The following CACNB2 variants were observed in gnomAD, a reference collection of about 807,000 sequenced individuals.
The protein encoded by CACNB2 is calcium voltage-gated channel auxiliary subunit beta 2, also known as voltage-dependent L-type calcium channel subunit beta-2.
Under a neutral mutation model 73.3 loss-of-function variants are expected in CACNB2, and 42 were observed. The observed-to-expected ratio is 0.57, with a 90% CI of 0.45 to 0.74. The LOEUF (loss-of-function observed/expected upper bound fraction) is 0.74. Ranked by LOEUF, CACNB2 falls within the 30% of genes least tolerant of loss-of-function variation. The probability of loss-of-function intolerance (pLI) is 0.00; values close to 1 mark genes in which losing one functional copy is unlikely to be tolerated. For synonymous variants in CACNB2, 348 were observed against 310.3 expected (o/e 1.12, Z -1.28); for missense variants, 940 against 853.0 (o/e 1.10, Z -1.27).
intron 3 of CACNB2, among the ~76,000 whole-genome samples, chr10:18,425,895 G>C (rs2132766723): frequency 6.6e-6 from 1 of 152,028 alleles, no homozygotes; most frequent in African/African-American, 2.4e-5. Flanking sequence ...ATCTCCCCTT[G>C]GTCTGAAATG....
chr10:18,369,331 AT>A (rs1164012983), intron 2 of CACNB2, among the ~76,000 whole-genome samples: 2 of 152,238 alleles, frequency 1.3e-5, no homozygotes, highest in East Asian at 1.9e-4. Flanking sequence ...ATTTGTCATT[AT>A]TTTTGAATAT....
At chr10:18,315,529 C>CCAT (rs869158666) in intron 2 of CACNB2, among the ~76,000 whole-genome samples, 1 of 65,580 alleles carries the variant, frequency 1.5e-5, no homozygotes, top group South Asian at 6.1e-4. Context: ...AAAAAAAAAA[C>CCAT]TTTTTTTTTT....
intron 2 of CACNB2, among the ~76,000 whole-genome samples, chr10:18,341,636 AAAAAT>A (rs1441212012): frequency 6.6e-6 from 1 of 152,218 alleles, no homozygotes; most frequent in Non-Finnish European, 1.5e-5. Flanking sequence ...CAGAGCCCGT[AAAAAT>A]AAAAGTCATA....
chr10:18,263,362 G>A (rs1269196466), intron 2 of CACNB2, among the ~76,000 whole-genome samples: 3 of 152,176 alleles, frequency 2.0e-5, no homozygotes, highest in Non-Finnish European at 2.9e-5. Context: ...TTAGGACCTC[G>A]TCATACTGGT....
At chr10:18,327,067 C>G in intron 2 of CACNB2, among the ~76,000 whole-genome samples, 1 of 151,946 alleles carries the variant, frequency 6.6e-6, no homozygotes, top group South Asian at 2.1e-4. Flanking sequence ...CATAGGCCAC[C>G]CTTCCTTGAA....
intron 3 of CACNB2, among the ~76,000 whole-genome samples, chr10:18,407,172 G>C (rs1404652283): frequency 8.0e-6 from 1 of 125,206 alleles, no homozygotes; most frequent in African/African-American, 3.1e-5. Flanking sequence ...GCCCAGGCTG[G>C]AGTGCAGTGG....
intron 3 of CACNB2, among the ~76,000 whole-genome samples, chr10:18,430,260 A>C (rs537049265): frequency 8.5e-5 from 13 of 152,272 alleles, no homozygotes; most frequent in African/African-American, 2.6e-4. Flanking sequence ...CTAAACACAC[A>C]AACCTGTCTT....
chr10:18,430,507 A>G (rs1013195166), intron 3 of CACNB2, among the ~76,000 whole-genome samples: 1 of 151,898 alleles, frequency 6.6e-6, no homozygotes, highest in Non-Finnish European at 1.5e-5. Flanking sequence ...GTGGAGGCCT[A>G]TAGTTCCAGG....
chr10:18,453,722 C>A (rs2047128529), intron 3 of CACNB2, among the ~76,000 whole-genome samples: 1 of 152,196 alleles, frequency 6.6e-6, no homozygotes, highest in Non-Finnish European at 1.5e-5. Context: ...CTCTGCCTCC[C>A]AGGTTCAAAT....
chr10:18,357,365 C>T (rs2132184162), intron 2 of CACNB2, among the ~76,000 whole-genome samples: 1 of 152,178 alleles, frequency 6.6e-6, no homozygotes, highest in Non-Finnish European at 1.5e-5. Flanking sequence ...AATACTGACC[C>T]AATGAATAAA....
At chr10:18,218,607 C>T (rs952907119) in intron 2 of CACNB2, among the ~76,000 whole-genome samples, 1 of 152,154 alleles carries the variant, frequency 6.6e-6, no homozygotes, top group Non-Finnish European at 1.5e-5. Context: ...CTGGGCAGGG[C>T]ACAGTGGCTC....
Position 18,530,655 on chromosome 10 carries a change from G to A in CACNB2, c.1054+2958G>A, listed in dbSNP as rs192946733. ...ATGGTTGTATGGGGACTCAAAGTTC[G>A]GTTCCCACTGTACATATATTGCTTT... On this transcript the variant is annotated intron_variant, in intron 10 of 13. Transcript: ENST00000324631. Among the ~76,000 whole-genome samples, 143 of 152,128 alleles carry A rather than the reference G, an allele frequency of 9.4e-4. 2 individuals carry two copies. The highest frequency in any genetic ancestry group is 6.0e-3 in the Admixed American group (91 of 15,286).
At chr10:18,253,101 G>A (rs145492214) in intron 2 of CACNB2, among the ~76,000 whole-genome samples, 120 of 152,294 alleles carry the variant, frequency 7.9e-4, no homozygotes, top group Non-Finnish European at 1.4e-3. Flanking sequence ...CAATCACTTC[G>A]TATATGAAAT....
intron 9 of CACNB2, among the ~76,000 whole-genome samples, chr10:18,525,035 A>AG (rs2052329869): frequency 6.6e-6 from 1 of 151,060 alleles, no homozygotes; most frequent in Non-Finnish European, 1.5e-5. Flanking sequence ...TGTCTAAAAA[A>AG]AAAAAAAAAA....
chr10:18,140,954 C>T, intron 1 of CACNB2, 98 bp downstream of exon 1: 1 of 1,523,624 alleles, frequency 6.6e-7, no homozygotes, highest in Non-Finnish European at 8.8e-7. Flanking sequence ...GATCTCTAGC[C>T]TCGCACCTCC....
At chr10:18,215,841 C>T (rs11013043) in intron 2 of CACNB2, among the ~76,000 whole-genome samples, 25,245 of 152,096 alleles carry the variant, frequency 0.17, 2,589 homozygotes, top group East Asian at 0.36. Flanking sequence ...AGCCTGTGGT[C>T]TGGTTTTTCA....
rs567065244 is a variant in CACNB2 at position 18,411,788 on chromosome 10, G to A, written c.333+9745G>A. ...CTCCCAAAGTGCTGGAATTACAGGC[G>A]TGAGCCACTGTGCCCAGCCTCTTTA... On this transcript the variant is annotated intron_variant, in intron 3 of 13. Coordinates refer to ENST00000324631, the MANE Select transcript of CACNB2 (RefSeq NM_201596.3). Among the ~76,000 whole-genome samples, 10 of 152,264 alleles carry A rather than the reference G, an allele frequency of 6.6e-5. No individual in the cohort carries two copies. The East Asian group carries it at 9.6e-4, about 15-fold the overall frequency.
chr10:18,280,042 G>T (rs1382591337), intron 2 of CACNB2, among the ~76,000 whole-genome samples: 1 of 152,190 alleles, frequency 6.6e-6, no homozygotes, highest in African/African-American at 2.4e-5. Context: ...TCGCACTGCT[G>T]CACTCCAGCC....
At chr10:18,345,945 A>G (rs1342899802) in intron 2 of CACNB2, among the ~76,000 whole-genome samples, 2 of 152,220 alleles carry the variant, frequency 1.3e-5, no homozygotes, top group Non-Finnish European at 2.9e-5. Context: ...TGAAAAGTGC[A>G]TTCTGTCTCA....
Sources: gnomAD v4.1 joint callset for allele counts (sites outside exome capture counted in the v4.1 genomes callset) on GRCh38, gnomAD v4.1.1 for gene constraint, MANE v1.5 for transcripts, NCBI Gene and HGNC (gene_info 2026-07-23, HGNC 2026-07-21) for gene names.